KIF5B: variants seen among roughly 807,000 people sequenced by gnomAD.
KIF5B encodes kinesin-1 heavy chain.
A neutral mutation model predicts 132.8 loss-of-function variants in KIF5B; 49 were observed. The ratio of observed to expected loss-of-function variants is 0.37; its 90% confidence interval spans 0.29 to 0.47. The LOEUF is 0.47. Ranked by LOEUF, KIF5B falls within the 20% of genes least tolerant of loss-of-function variation. The pLI, the probability that KIF5B is intolerant of heterozygous loss-of-function variation, is 1.00. For synonymous variants in KIF5B, 355 were observed against 369.4 expected, an observed-to-expected ratio of 0.96 and a Z score of 0.45; for missense variants, 780 against 1,144.0, an observed-to-expected ratio of 0.68 and a Z score of 4.59.
At chr10:32,034,589 C>A in intron 11 of KIF5B, 101 bp downstream of exon 11, 1 of 804,518 alleles carries the variant, frequency 1.2e-6, no homozygotes, top group African/African-American at 1.8e-5. Context: ...TATTAAATTT[C>A]TTGATCTAGT....
At chr10:32,055,227 T>C (rs1047275960) in intron 1 of KIF5B, among the ~76,000 whole-genome samples, 15 of 152,152 alleles carry the variant, frequency 9.9e-5, no homozygotes, top group African/African-American at 3.6e-4. Context: ...ATCATCGATT[T>C]GCCATTTGTA....
At chr10:32,020,089 G>A in intron 19 of KIF5B, 130 bp from the exon 20 acceptor site, 1 of 571,354 alleles carries the variant, frequency 1.8e-6, no homozygotes, top group Non-Finnish European at 3.0e-6. Flanking sequence ...ACCCTATGGA[G>A]GAAAAGAGGA....
chr10:32,027,336 G>C (rs111533750), intron 15 of KIF5B, among the ~76,000 whole-genome samples: 15 of 152,082 alleles, frequency 9.9e-5, no homozygotes, highest in Admixed American at 9.8e-4. Flanking sequence ...TTTGGTCTTA[G>C]TTTTTAAATC....
intron 14 of KIF5B, among the ~76,000 whole-genome samples, chr10:32,029,854 AGAGT>A (rs1486303901): frequency 1.3e-5 from 2 of 152,242 alleles, no homozygotes; most frequent in African/African-American, 4.8e-5. Flanking sequence ...CAACTCAGTA[AGAGT>A]TAGTTATAAT....
At chr10:32,028,036 G>A (rs11008737) in intron 15 of KIF5B, among the ~76,000 whole-genome samples, 1,651 of 151,688 alleles carry the variant, frequency 0.011, 19 homozygotes, top group Non-Finnish European at 0.016. Flanking sequence ...GCAGTTGCAC[G>A]ATTGCAGCTC....
intron 1 of KIF5B, among the ~76,000 whole-genome samples, chr10:32,055,225 T>C (rs1229305030): frequency 6.6e-6 from 1 of 152,044 alleles, no homozygotes; most frequent in African/African-American, 2.4e-5. Flanking sequence ...CAATCATCGA[T>C]TTGCCATTTG....
chr10:32,038,792 CT>C lies in KIF5B; in HGVS notation c.427del (p.Arg143GlyfsTer4). On this transcript the variant is annotated frameshift_variant, in exon 5 of 26. Transcript: ENST00000302418. LOFTEE classifies it high-confidence loss of function. Reference sequence around the variant, plus strand: ...ATTTAACTTACCATCTAACAGGTCCCTTATCTTATCCAAATATATTTCAAAA... The same window carrying C: ...ATTTAACTTACCATCTAACAGGTCCCTATCTTATCCAAATATATTTCAAAA... The part of the protein sequence containing the change: ...SYFEIYLDKI[R>X]DLLDVSKTNL... The C allele has an allele frequency of 6.7e-7, 1 of 1,489,086 alleles. No individual in the cohort carries two copies. The highest frequency in any genetic ancestry group is 9.3e-7 in the Non-Finnish European group (1 of 1,075,686). The allele number at this position is 1,489,086 out of a possible 1,614,324, so 92.2% of individuals were successfully genotyped here. A position where few individuals can be genotyped will look rare whatever the true frequency, so the allele number is the denominator to read the frequency against.
At chr10:32,030,472 G>A (rs550079590) in intron 14 of KIF5B, among the ~76,000 whole-genome samples, 9 of 149,560 alleles carry the variant, frequency 6.0e-5, no homozygotes, top group South Asian at 2.1e-4. Flanking sequence ...CCAAGATTGC[G>A]CCATTGCACT....
In KIF5B at chr10:32,015,554, C is replaced by G; in HGVS notation, c.2867G>C (p.Arg956Pro). The G allele has an allele frequency of 6.2e-7, 1 of 1,613,104 alleles. No individual in the cohort carries two copies. The highest frequency in any genetic ancestry group is 8.5e-7 in the Non-Finnish European group (1 of 1,179,512). ...FVQNSQPVAV[R>P]GGGGKQV ...TTACACTTGTTTGCCTCCTCCACCT[C>G]GCACTGCCACTGGCTGGCTGTTCTG... The change falls in exon 25 of 26, where the codon CGA (arginine) becomes CCA (proline). Residue 956 changes from arginine (R) to proline (P), a missense_variant. By Grantham distance (103) the Arg-to-Pro change is moderately radical (BLOSUM62 -2). Transcript: ENST00000302418.
At position 32,037,183 on chromosome 10, in the gene KIF5B, G is replaced by GAA. The variant is rs1413586207; in HGVS notation, c.711+70_711+71insTT. 2.1e-6 allele frequency: 3 copies of GAA among 1,442,360 alleles called. No homozygotes were observed. The African/African-American group carries it at 4.2e-5, about 20-fold the overall frequency. The allele number at this position is 1,442,360 out of a possible 1,614,324, so 89.3% of individuals were successfully genotyped here. ...TAAGTAAGATGCAACAATGAACCCT[G>GAA]CGTAACTCCCAACTCAAACTAAAGT... On this transcript the variant is annotated intron_variant, in intron 8 of 25. Coordinates refer to ENST00000302418, the MANE Select transcript of KIF5B (RefSeq NM_004521.3).
chr10:32,019,665 C>T (rs1014815248), intron 20 of KIF5B, among the ~76,000 whole-genome samples, 193 bp downstream of exon 20: 3 of 152,066 alleles, frequency 2.0e-5, no homozygotes, highest in African/African-American at 4.8e-5. Flanking sequence ...AATATAAGAC[C>T]TTGCTTTCAC....
At position 32,035,539 on chromosome 10, in the gene KIF5B, T is replaced by G. The variant is rs754250682; in HGVS notation, c.945A>C (p.Thr315=). The G allele has an allele frequency of 1.1e-5, 18 of 1,612,176 alleles. No individual in the cohort carries two copies. Among genetic ancestry groups the G allele is most frequent in the Non-Finnish European group, 1.4e-5 (17 of 1,179,352 alleles). Residue 315 remains threonine, a synonymous_variant, in exon 10 of 26, where the codon ACA becomes ACC. Coordinates refer to ENST00000302418, the MANE Select transcript of KIF5B (RefSeq NM_004521.3). The stretch of plus-strand genomic sequence containing the variant: ...CAACAAACCTTTGGCCAAATAAGAG[T>G]GTAGATTTTGTTTCAGACTCATTGT... ...SSYNESETKS[T]LLFGQRAKTI...
intron 15 of KIF5B, among the ~76,000 whole-genome samples, chr10:32,023,567 A>C (rs377167086): frequency 4.7e-5 from 7 of 147,968 alleles, no homozygotes; most frequent in African/African-American, 1.7e-4. Flanking sequence ...AAAGACCCTG[A>C]ATAGCTAGCA....
Position 32,011,525 on chromosome 10 carries a change from G to A in KIF5B, c.*21-9C>T, listed in dbSNP as rs995589066. On this transcript the variant is annotated splice_polypyrimidine_tract_variant and intron_variant, in intron 25 of 25. Transcript: ENST00000302418. Reference sequence around the variant, plus strand: ...CGATTACTTTTTAACACCTAAAAATGGGAGAAAGCATAGAGTAAATATGTT... The same window carrying A: ...CGATTACTTTTTAACACCTAAAAATAGGAGAAAGCATAGAGTAAATATGTT... 2.0e-5 allele frequency: 3 copies of A among 152,202 alleles called. No homozygotes were observed. The highest frequency in any genetic ancestry group is 7.2e-5 in the African/African-American group (3 of 41,430). 9.4% of individuals were successfully genotyped at this position (152,202 alleles called of 1,614,324 possible). A position where few individuals can be genotyped will look rare whatever the true frequency, so the allele number is the denominator to read the frequency against.
At chr10:32,049,247 G>A (rs1170491983) in intron 1 of KIF5B, among the ~76,000 whole-genome samples, 4 of 152,094 alleles carry the variant, frequency 2.6e-5, no homozygotes, top group African/African-American at 9.7e-5. Context: ...ATAATAGTGG[G>A]GCAGACATTA....
chr10:32,030,468 T>A (rs531671573), intron 14 of KIF5B, among the ~76,000 whole-genome samples: 1 of 151,638 alleles, frequency 6.6e-6, no homozygotes, highest in East Asian at 1.9e-4. Flanking sequence ...TGAGCCAAGA[T>A]TGCGCCATTG....
rs369336817 is a variant in KIF5B, at chr10:32,012,970, C to T, written c.*21-1454G>A. Among the ~76,000 whole-genome samples the T allele has an allele frequency of 6.0e-5, 9 of 150,384 alleles. No homozygotes were observed. In the East Asian group the frequency reaches 1.8e-3, roughly 29 times the overall value. ...AGGCTGGAGTGCAATGCCACGATCT[C>T]GGATCACTGCAAACTCCGCCTCCTG... On this transcript the variant is annotated intron_variant, in intron 25 of 25. Transcript: ENST00000302418.
chr10:32,026,730 G>A (rs1188529257), intron 15 of KIF5B, among the ~76,000 whole-genome samples: 1 of 151,992 alleles, frequency 6.6e-6, no homozygotes, highest in East Asian at 1.9e-4. Flanking sequence ...TATAAGATTT[G>A]TCTAAAAAGT....
At position 32,022,171 on chromosome 10, in the gene KIF5B, G is replaced by T. The variant is rs1306020504; in HGVS notation, c.2001C>A (p.Leu667=). The part of the protein sequence containing the change: ...KRQLEESVDA[L]SEELVQLRAQ... ...CTCGAAGCTGGACTAGTTCTTCACT[G>T]AGGGCATCGACAGATTCCTCCAACT... is the stretch of plus-strand genomic sequence containing the variant. Residue 667 remains leucine (L), a synonymous_variant, in exon 17 of 26, where the codon CTC becomes CTA. Transcript: ENST00000302418. The T allele has an allele frequency of 1.2e-6, 2 of 1,608,920 alleles. No individual in the cohort carries two copies. Among genetic ancestry groups the T allele is most frequent in the Non-Finnish European group, 1.7e-6 (2 of 1,175,830 alleles).
Sources: gnomAD v4.1 joint callset for allele counts (sites outside exome capture counted in the v4.1 genomes callset) on GRCh38, gnomAD v4.1.1 for gene constraint, MANE v1.5 for transcripts, NCBI Gene and HGNC (gene_info 2026-07-23, HGNC 2026-07-21) for gene names.